The following ASNS variants were observed in gnomAD, a reference collection of about 807,000 sequenced individuals.
ASNS encodes the protein asparagine synthetase [glutamine-hydrolyzing].
In ASNS, 37 loss-of-function variants were observed where a neutral mutation model predicts 62.6. The observed-to-expected ratio is 0.59, with a 90% CI of 0.45 to 0.78. The LOEUF is 0.78. Among genes scored for constraint, ASNS ranks in the 30% least tolerant of loss-of-function variants. The pLI, the probability that ASNS is intolerant of heterozygous loss-of-function variation, is 0.00. For missense variants in ASNS, 520 were observed against 682.4 expected, an observed-to-expected ratio of 0.76 and a Z score of 2.65; for synonymous variants, 207 against 237.9, an observed-to-expected ratio of 0.87 and a Z score of 1.19.
chr7:97,899,965 G>C, the ASNS span, among the ~76,000 whole-genome samples: 5 of 152,316 alleles, frequency 3.3e-5, no homozygotes, highest in Admixed American at 3.3e-4. Flanking sequence ...TGGCCAATAA[G>C]CACATGAAAA....
chr7:97,868,930 C>T lies in ASNS; in HGVS notation c.227G>A (p.Gly76Asp). 4 of 1,614,130 alleles carry T rather than the reference C, an allele frequency of 2.5e-6. No individual in the cohort carries two copies. Among genetic ancestry groups the T allele is most frequent in the Non-Finnish European group, 3.4e-6 (4 of 1,180,050 alleles). The change falls in exon 3 of 13, where the codon GGT becomes GAT. Residue 76 changes from glycine (G) to aspartate (D), a missense_variant. By Grantham distance (94) the Gly-to-Asp change is moderately conservative. Coordinates refer to ENST00000394308, the MANE Select transcript of ASNS (RefSeq NM_001673.5). ...KYPYLWLCYN[G>D]EIYNHKKMQQ... The stretch of plus-strand genomic sequence containing the variant: ...CACCTTCTTATGGTTGTAGATTTCA[C>T]CATTGTAACAGAGCCACAAATACGG...
chr7:97,913,759 G>A, the ASNS span, among the ~76,000 whole-genome samples: 1 of 151,196 alleles, frequency 6.6e-6, no homozygotes, highest in Non-Finnish European at 1.5e-5. Flanking sequence ...AATCTAGTAG[G>A]TGGTTAATGA....
the ASNS span, among the ~76,000 whole-genome samples, chr7:97,881,475 T>C: frequency 3.3e-5 from 5 of 151,116 alleles, no homozygotes; most frequent in African/African-American, 1.2e-4. Flanking sequence ...GCTTTCTGCC[T>C]CTATAGATTT....
the ASNS span, chr7:97,928,260 G>C: frequency 1.6e-5 from 24 of 1,525,346 alleles, no homozygotes; most frequent in Admixed American, 2.0e-5. Flanking sequence ...CCTGCCTCGG[G>C]GCTTGCCAGT....
chr7:97,896,737 CACACATATAT>C, the ASNS span, among the ~76,000 whole-genome samples: 390 of 30,492 alleles, frequency 0.013, 10 homozygotes, highest in African/African-American at 0.027. Context: ...CACACACACA[CACACATATAT>C]ATATATATAT....
At chr7:97,883,997 A>T in the ASNS span, among the ~76,000 whole-genome samples, 1 of 151,604 alleles carries the variant, frequency 6.6e-6, no homozygotes, top group African/African-American at 2.4e-5. Flanking sequence ...CAAAAAAAAA[A>T]AAAAAAAAAA....
At chr7:97,877,112 T>G (rs1584484442), upstream of ASNS, among the ~76,000 whole-genome samples, 2 of 119,312 alleles carry the variant, frequency 1.7e-5, no homozygotes, top group Middle Eastern at 4.2e-3. Flanking sequence ...TTTTTTTTTT[T>G]GAGATGGAGT....
At chr7:97,886,786 T>C in the ASNS span, among the ~76,000 whole-genome samples, 1 of 152,236 alleles carries the variant, frequency 6.6e-6, no homozygotes, top group Non-Finnish European at 1.5e-5. Context: ...CCTTTTGGTT[T>C]TTTAATGTGA....
chr7:97,868,387 T>C lies in ASNS; in HGVS notation c.249+521A>G, dbSNP rs117458174. ...AGTATTAACTGGATATTAGGTGGTA[T>C]TATGGACTCTTAGGTTTAATAATGG... On this transcript the variant is annotated intron_variant, in intron 3 of 12. Coordinates refer to ENST00000394308, the MANE Select transcript of ASNS (RefSeq NM_001673.5). Among the ~76,000 whole-genome samples the C allele has an allele frequency of 6.6e-4, 100 of 152,340 alleles. No individual in the cohort carries two copies. In the East Asian group the frequency reaches 0.017, roughly 25 times the overall value.
chr7:97,893,638 T>C, the ASNS span, among the ~76,000 whole-genome samples: 1 of 152,392 alleles, frequency 6.6e-6, no homozygotes, highest in Admixed American at 6.5e-5. Flanking sequence ...AGAAGGTCAT[T>C]ATATGGTAAT....
chr7:97,886,943 T>C, the ASNS span, among the ~76,000 whole-genome samples: 1 of 152,160 alleles, frequency 6.6e-6, no homozygotes, highest in Non-Finnish European at 1.5e-5. Flanking sequence ...GCCCCCCACA[T>C]AGACACAGCT....
the ASNS span, among the ~76,000 whole-genome samples, chr7:97,877,964 G>A: frequency 6.6e-6 from 1 of 152,180 alleles, no homozygotes; most frequent in Non-Finnish European, 1.5e-5. Flanking sequence ...CTAGAATTCT[G>A]CCCATTACAA....
the ASNS span, among the ~76,000 whole-genome samples, chr7:97,885,125 T>G: frequency 1.3e-5 from 2 of 152,264 alleles, no homozygotes; most frequent in African/African-American, 4.8e-5. Context: ...ACATTTCATA[T>G]AAATGACATC....
Position 97,859,038 on chromosome 7 carries a change from A to G in ASNS, c.674-83T>C, listed in dbSNP as rs11773753. The G allele has an allele frequency of 0.13, 186,744 of 1,405,370 alleles. 13,332 individuals are homozygous for G. Among genetic ancestry groups the G allele is most frequent in the South Asian group, 0.21 (16,344 of 78,902 alleles). The allele number at this position is 1,405,370 out of a possible 1,614,324, so 87.1% of individuals were successfully genotyped here. On this transcript the variant is annotated intron_variant, in intron 5 of 12. Coordinates refer to ENST00000394308, the MANE Select transcript of ASNS (RefSeq NM_001673.5). The stretch of plus-strand genomic sequence containing the variant: ...TGAAATGAAATACACAATCATCAAC[A>G]TCTATCATGATGGTATTTACTCAAT...
At chr7:97,858,133 T>G in intron 7 of ASNS, 145 bp downstream of exon 7, 2 of 1,119,236 alleles carry the variant, frequency 1.8e-6, no homozygotes, top group South Asian at 3.2e-5. Context: ...CAACAGCCAT[T>G]TCATTCTATT....
chr7:97,890,068 T>A, the ASNS span, among the ~76,000 whole-genome samples: 1 of 147,070 alleles, frequency 6.8e-6, no homozygotes, highest in Non-Finnish European at 1.5e-5. Context: ...ATACAAAAGA[T>A]AATTGACAGC....
At chr7:97,923,209 G>A in the ASNS span, among the ~76,000 whole-genome samples, 2 of 151,070 alleles carry the variant, frequency 1.3e-5, no homozygotes, top group East Asian at 3.8e-4. Flanking sequence ...CAATTAAGTG[G>A]TTAACTGACA....
intron 12 of ASNS, among the ~76,000 whole-genome samples, chr7:97,852,804 G>A (rs1207494918): frequency 6.6e-6 from 1 of 152,128 alleles, no homozygotes; most frequent in Non-Finnish European, 1.5e-5. Context: ...GATTCTAGAT[G>A]CTACTTTATA....
the ASNS span, among the ~76,000 whole-genome samples, chr7:97,896,134 C>G: frequency 6.6e-6 from 1 of 152,036 alleles, no homozygotes; most frequent in Non-Finnish European, 1.5e-5. Flanking sequence ...CTACCTGAAG[C>G]AATCTAGAGA....
Sources: gnomAD v4.1 joint callset for allele counts (sites outside exome capture counted in the v4.1 genomes callset) on GRCh38, gnomAD v4.1.1 for gene constraint, MANE v1.5 for transcripts, NCBI Gene and HGNC (gene_info 2026-07-23, HGNC 2026-07-21) for gene names.